TENM4: variants seen among roughly 807,000 people sequenced by gnomAD.
TENM4 encodes the protein teneurin-4.
A neutral mutation model predicts 243.3 loss-of-function variants in TENM4; 82 were observed. That is an observed-to-expected ratio of 0.34 (90% CI 0.28 to 0.40). The LOEUF (loss-of-function observed/expected upper bound fraction) is 0.40. Among genes scored for constraint, TENM4 ranks in the 10% least tolerant of loss-of-function variants. The pLI is 1.00. For synonymous variants in TENM4, 1,412 were observed against 1,456.3 expected, an observed-to-expected ratio of 0.97 and a Z score of 0.69; for missense variants, 3,138 against 3,673.3, an observed-to-expected ratio of 0.85 and a Z score of 3.77.
chr11:79,344,612 T>G (rs1312427601), intron 1 of TENM4, among the ~76,000 whole-genome samples: 2 of 152,146 alleles, frequency 1.3e-5, no homozygotes, highest in Non-Finnish European at 2.9e-5. Context: ...CATGCAAGAG[T>G]GCAGACCATT....
intron 9 of TENM4, among the ~76,000 whole-genome samples, chr11:78,888,438 A>G (rs747494703): frequency 3.3e-5 from 5 of 152,246 alleles, no homozygotes; most frequent in Non-Finnish European, 1.5e-5. Flanking sequence ...GAGGCTTATT[A>G]CAGCTTGAGA....
At chr11:79,185,251 T>G (rs1262847021) in intron 3 of TENM4, among the ~76,000 whole-genome samples, 16 of 152,040 alleles carry the variant, frequency 1.1e-4, no homozygotes, top group Admixed American at 1.0e-3. Context: ...TGAGCTGAGA[T>G]CGTACCACTG....
chr11:79,090,193 C>A (rs764730281), intron 4 of TENM4, among the ~76,000 whole-genome samples: 1 of 152,266 alleles, frequency 6.6e-6, no homozygotes, highest in Non-Finnish European at 1.5e-5. Flanking sequence ...CACAAGGCTG[C>A]AGCTGCCGTC....
At chr11:78,928,849 C>T (rs901593977) in intron 6 of TENM4, among the ~76,000 whole-genome samples, 5 of 152,122 alleles carry the variant, frequency 3.3e-5, no homozygotes, top group African/African-American at 1.2e-4. Flanking sequence ...TTTCACTTTT[C>T]TCATCTGTAA....
chr11:78,984,740 G>C (rs1165106341), intron 6 of TENM4, among the ~76,000 whole-genome samples: 3 of 151,982 alleles, frequency 2.0e-5, no homozygotes, highest in East Asian at 3.8e-4. Context: ...GATTAAGCAC[G>C]GATTCTAGAG....
At chr11:78,949,845 A>C (rs907401216) in intron 6 of TENM4, among the ~76,000 whole-genome samples, 1 of 152,206 alleles carries the variant, frequency 6.6e-6, no homozygotes, top group Non-Finnish European at 1.5e-5. Context: ...AGGAAAGCAC[A>C]GTACAGAACT....
intron 3 of TENM4, among the ~76,000 whole-genome samples, chr11:79,201,188 C>T (rs893853688): frequency 6.6e-6 from 1 of 152,176 alleles, no homozygotes; most frequent in East Asian, 1.9e-4. Context: ...CATGCTATTC[C>T]ATCATCTTGT....
intron 2 of TENM4, among the ~76,000 whole-genome samples, chr11:79,238,017 C>T (rs1376349995): frequency 6.6e-6 from 1 of 152,218 alleles, no homozygotes; most frequent in East Asian, 1.9e-4. Context: ...AGTTCTGAAT[C>T]ATCACATCTT....
intron 3 of TENM4, among the ~76,000 whole-genome samples, chr11:79,178,194 T>G (rs1863206963): frequency 6.6e-6 from 1 of 152,036 alleles, no homozygotes; most frequent in African/African-American, 2.4e-5. Context: ...GGAATAGAAC[T>G]AACACAGGAA....
intron 11 of TENM4, 39 bp downstream of exon 11, chr11:78,855,925 G>A: frequency 6.5e-7 from 1 of 1,535,112 alleles, no homozygotes; most frequent in Non-Finnish European, 8.8e-7. Flanking sequence ...TGAGGTAGGA[G>A]CCCATGCAGA....
chr11:79,103,981 C>T (rs556939945), intron 4 of TENM4, among the ~76,000 whole-genome samples: 10 of 152,300 alleles, frequency 6.6e-5, no homozygotes, highest in African/African-American at 1.4e-4. Flanking sequence ...TCTCTTTCAT[C>T]CAGGGCGTTT....
intron 9 of TENM4, among the ~76,000 whole-genome samples, 154 bp downstream of exon 9, chr11:78,889,631 G>A (rs1424994457): frequency 2.0e-5 from 3 of 152,226 alleles, no homozygotes; most frequent in Admixed American, 2.0e-4. Context: ...GCAGTGTCAG[G>A]GGTGCAGACT....
chr11:78,751,268 A>G (rs1856185716), intron 19 of TENM4, among the ~76,000 whole-genome samples: 1 of 152,060 alleles, frequency 6.6e-6, no homozygotes, highest in African/African-American at 2.4e-5. Context: ...ATAGGATACG[A>G]TTCTCTGCCT....
At chr11:78,735,664 C>A (rs2135891583) in intron 20 of TENM4, among the ~76,000 whole-genome samples, 1 of 152,340 alleles carries the variant, frequency 6.6e-6, no homozygotes, top group South Asian at 2.1e-4. Context: ...CAGGGCCATT[C>A]TGAACACTAC....
intron 12 of TENM4, among the ~76,000 whole-genome samples, chr11:78,821,484 T>C (rs2136122899): frequency 6.6e-6 from 1 of 152,362 alleles, no homozygotes; most frequent in East Asian, 1.9e-4. Context: ...CCTTTGCCTC[T>C]ATTTTTTTAT....
At chr11:78,866,428 T>C (rs534675156) in intron 9 of TENM4, among the ~76,000 whole-genome samples, 1 of 147,626 alleles carries the variant, frequency 6.8e-6, no homozygotes, top group East Asian at 2.0e-4. Flanking sequence ...CTTTCTTTTA[T>C]ATTTAACAAG....
chr11:78,697,016 G>C (rs1466719077), intron 28 of TENM4, among the ~76,000 whole-genome samples: 2 of 152,148 alleles, frequency 1.3e-5, no homozygotes, highest in African/African-American at 4.8e-5. Flanking sequence ...GAGTGGTCAG[G>C]GGTGTATGCT....
Position 78,656,858 on chromosome 11 carries a change from C to A in TENM4, c.*1200G>T. 2.5e-6 allele frequency: 1 copy of A among 395,966 alleles called. No individual in the cohort carries two copies. Among genetic ancestry groups the A allele is most frequent in the East Asian group, 3.6e-5 (1 of 27,986 alleles). The allele number at this position is 395,966 out of a possible 1,614,324, so 24.5% of individuals were successfully genotyped here. ...TCTGCGATCAGCTGGTACATGGAGG[C>A]AGATGGGACTTTGGGAACTGGTTAG... On this transcript the variant is annotated 3_prime_UTR_variant, in exon 34 of 34. Coordinates refer to ENST00000278550, the MANE Select transcript of TENM4 (RefSeq NM_001098816.3).
chr11:79,218,441 T>C (rs535011293), intron 2 of TENM4, among the ~76,000 whole-genome samples: 1 of 152,270 alleles, frequency 6.6e-6, no homozygotes, highest in South Asian at 2.1e-4. Context: ...GTAAGTGATA[T>C]GTACGTTTTA....
Sources: allele counts gnomAD v4.1 joint callset (sites outside exome capture counted in the v4.1 genomes callset), GRCh38; gene constraint gnomAD v4.1.1; transcripts MANE v1.5; gene names NCBI Gene and HGNC (gene_info 2026-07-23, HGNC 2026-07-21).